The following PGBD5 variants were observed in gnomAD, a reference collection of about 807,000 sequenced individuals.
PGBD5 encodes the protein piggyBac transposable element derived 5, also known as piggyBac transposable element-derived protein 5.
Under a neutral mutation model 47.9 loss-of-function variants are expected in PGBD5, and 14 were observed. The ratio of observed to expected loss-of-function variants is 0.29; its 90% CI spans 0.19 to 0.46. The LOEUF is 0.46. Among genes scored for constraint, PGBD5 ranks in the 20% least tolerant of loss-of-function variants. The pLI is 1.00. For synonymous variants in PGBD5, 316 were observed against 306.3 expected, an observed-to-expected ratio of 1.03 and a Z score of -0.33; for missense variants, 635 against 716.0, an observed-to-expected ratio of 0.89 and a Z score of 1.29.
At chr1:230,382,839 G>C (rs942967103) in intron 1 of PGBD5, among the ~76,000 whole-genome samples, 1 of 152,116 alleles carries the variant, frequency 6.6e-6, no homozygotes, top group Non-Finnish European at 1.5e-5. Context: ...ATGGGGGCAT[G>C]GGTCCTAGGA....
At chr1:230,360,747 T>C (rs187944685) in intron 1 of PGBD5, among the ~76,000 whole-genome samples, 1 of 152,208 alleles carries the variant, frequency 6.6e-6, no homozygotes, top group Non-Finnish European at 1.5e-5. Flanking sequence ...CCCTCAGGTA[T>C]TTCTTCATAG....
Position 230,323,315 on chromosome 1 carries a change from G to A in PGBD5, c.*110C>T. The A allele has an allele frequency of 1.5e-6, 2 of 1,314,998 alleles. No homozygotes were observed. Among genetic ancestry groups the A allele is most frequent in the Non-Finnish European group, 2.1e-6 (2 of 964,044 alleles). The allele number at this position is 1,314,998 out of a possible 1,614,324, so 81.5% of individuals were successfully genotyped here. A position where few individuals can be genotyped will look rare whatever the true frequency, so the allele number is the denominator to read the frequency against. ...CCAGAGGCCCTGTGCATCCCTCCCA[G>A]GCAGCAAGCCACACACCAGGCCGTG... On this transcript the variant is annotated 3_prime_UTR_variant, in exon 7 of 7. Transcript: ENST00000391860. This position sits in a 1 kb window ranked among gnomAD's most constrained non-coding sequence, Gnocchi z 4.1.
At chr1:230,406,883 T>C (rs140794717) in intron 1 of PGBD5, among the ~76,000 whole-genome samples, 2 of 152,232 alleles carry the variant, frequency 1.3e-5, no homozygotes, top group African/African-American at 4.8e-5. Context: ...TTGCCCAGGC[T>C]GGAGTGCAAT....
intron 3 of PGBD5, among the ~76,000 whole-genome samples, chr1:230,345,704 G>GT (rs1254753226): frequency 6.6e-6 from 1 of 152,228 alleles, no homozygotes; most frequent in Non-Finnish European, 1.5e-5. Flanking sequence ...ATGCTGGGTG[G>GT]TGGCAGTGAG....
intron 1 of PGBD5, among the ~76,000 whole-genome samples, chr1:230,378,348 C>G (rs1426072101): frequency 6.6e-6 from 1 of 152,214 alleles, no homozygotes; most frequent in East Asian, 1.9e-4. Flanking sequence ...ATGCTGAGTA[C>G]AAAGATAAAA....
At chr1:230,392,820 C>G (rs1656822661) in intron 1 of PGBD5, among the ~76,000 whole-genome samples, 1 of 152,104 alleles carries the variant, frequency 6.6e-6, no homozygotes, top group Admixed American at 6.5e-5. Flanking sequence ...TAGAAAAGTT[C>G]AGCCCAGCAG....
chr1:230,316,177 C>A lies in PGBD5; in HGVS notation c.*7248G>T, dbSNP rs1178443448. Reference sequence around the variant, plus strand: ...ATATATGTATGTGTATACATACATACGTACACATGTGCATGTGTATACATA... The same window carrying A: ...ATATATGTATGTGTATACATACATAAGTACACATGTGCATGTGTATACATA... On this transcript the variant is annotated 3_prime_UTR_variant, in exon 7 of 7. Transcript: ENST00000391860. 2.9e-5 allele frequency: 2 copies of A among 70,110 alleles called. No individual in the cohort carries two copies. The highest frequency in any genetic ancestry group is 4.6e-5 in the African/African-American group (1 of 21,712). The allele number at this position is 70,110 out of a possible 1,614,324, so 4.3% of individuals were successfully genotyped here.
intron 1 of PGBD5, among the ~76,000 whole-genome samples, chr1:230,366,950 T>C (rs746089290): frequency 1.6e-4 from 24 of 152,022 alleles, no homozygotes; most frequent in Non-Finnish European, 3.1e-4. Context: ...AGCCTCTGCT[T>C]GGGTACCAAA....
intron 1 of PGBD5, among the ~76,000 whole-genome samples, chr1:230,392,518 T>C (rs1195616925): frequency 6.6e-6 from 1 of 152,200 alleles, no homozygotes; most frequent in Non-Finnish European, 1.5e-5. Context: ...CTTTGTTATT[T>C]TATCTCCGGC....
intron 1 of PGBD5, among the ~76,000 whole-genome samples, chr1:230,414,065 G>C (rs986886264): frequency 4.6e-5 from 7 of 152,172 alleles, no homozygotes; most frequent in Non-Finnish European, 7.3e-5. Flanking sequence ...AGGTGCATGT[G>C]ACTTAGGTTA....
intron 1 of PGBD5, among the ~76,000 whole-genome samples, chr1:230,375,696 C>A (rs1282132375): frequency 1.5e-5 from 2 of 134,800 alleles, no homozygotes; most frequent in Non-Finnish European, 3.1e-5. Context: ...GGAATAACCT[C>A]ACAAGGAAAG....
intron 1 of PGBD5, among the ~76,000 whole-genome samples, chr1:230,387,909 G>A (rs1656685865): frequency 6.6e-6 from 1 of 152,164 alleles, no homozygotes. Context: ...AATTGGAGGG[G>A]AAGTTACGTG....
chr1:230,409,839 TA>T lies in PGBD5; in HGVS notation c.331+15758del, dbSNP rs376552556. ...AGTGAAGAACTTCCATATTATCAAGTAAAAAAAAAAGGATAAACAACTTGAT... is the reference window on the plus strand; with the variant it reads ...AGTGAAGAACTTCCATATTATCAAGTAAAAAAAAAGGATAAACAACTTGAT... On this transcript the variant is annotated intron_variant, in intron 1 of 6. Transcript: ENST00000391860. 9.2e-3 allele frequency among the ~76,000 whole-genome samples: 1,295 copies of T among 140,102 alleles called. 16 individuals carry two copies. Among genetic ancestry groups the T allele is most frequent in the African/African-American group, 0.03 (1,166 of 38,308 alleles). The allele number at this position is 140,102 out of a possible 152,430, so 91.9% of individuals were successfully genotyped here.
chr1:230,323,135 G>A lies in PGBD5; in HGVS notation c.*290C>T, dbSNP rs1235197315. On this transcript the variant is annotated 3_prime_UTR_variant, in exon 7 of 7. Coordinates refer to ENST00000391860, the MANE Select transcript of PGBD5 (RefSeq NM_001258311.2). The surrounding 1 kb of genome is among the most constrained non-coding windows in gnomAD (Gnocchi z 4.1). Reference sequence around the variant, plus strand: ...CACAGTCACCAGTCCACGCTGCCTCGCAAGCTCCACGGATGTCATGAGAGA... The same window carrying A: ...CACAGTCACCAGTCCACGCTGCCTCACAAGCTCCACGGATGTCATGAGAGA... 2 of 384,946 alleles carry A rather than the reference G, an allele frequency of 5.2e-6. No homozygotes were observed. The highest frequency in any genetic ancestry group is 7.0e-4 in the Middle Eastern group (1 of 1,426). 23.8% of individuals were successfully genotyped at this position (384,946 alleles called of 1,614,324 possible).
intron 1 of PGBD5, among the ~76,000 whole-genome samples, chr1:230,375,656 T>G (rs1439198966): frequency 1.3e-5 from 1 of 77,914 alleles, no homozygotes; most frequent in Non-Finnish European, 3.8e-5. Context: ...ATTTGACTTT[T>G]TTTTTTTTTT....
chr1:230,315,628 A>T lies in PGBD5; in HGVS notation c.*7797T>A, dbSNP rs1355857094. 2 of 151,636 alleles carry T rather than the reference A, an allele frequency of 1.3e-5. No homozygotes were observed. The highest frequency in any genetic ancestry group is 4.9e-5 in the African/African-American group (2 of 41,224). The allele number at this position is 151,636 out of a possible 1,614,324, so 9.4% of individuals were successfully genotyped here. On this transcript the variant is annotated 3_prime_UTR_variant, in exon 7 of 7. Coordinates refer to ENST00000391860, the MANE Select transcript of PGBD5 (RefSeq NM_001258311.2). Reference sequence around the variant, plus strand: ...TGGACATGTGGTTTGATTGCTAAGGACCTAGCAGAGGCTCATCATGTGGTA... The same window carrying T: ...TGGACATGTGGTTTGATTGCTAAGGTCCTAGCAGAGGCTCATCATGTGGTA...
At chr1:230,348,183 T>C (rs77491833) in intron 3 of PGBD5, among the ~76,000 whole-genome samples, 3,524 of 152,332 alleles carry the variant, frequency 0.023, 64 homozygotes, top group Non-Finnish European at 0.036. Context: ...AAATGTCCTG[T>C]GTACAGAACC....
chr1:230,397,315 C>T (rs1213123950), intron 1 of PGBD5, among the ~76,000 whole-genome samples: 2 of 152,184 alleles, frequency 1.3e-5, no homozygotes, highest in African/African-American at 2.4e-5. Flanking sequence ...AATTGTCTCC[C>T]TAATTATGGA....
chr1:230,386,587 T>C (rs949570056), intron 1 of PGBD5, among the ~76,000 whole-genome samples: 2 of 152,234 alleles, frequency 1.3e-5, no homozygotes, highest in Non-Finnish European at 2.9e-5. Context: ...GACAGTTTGA[T>C]AGAAATAAAT....
Sources: gnomAD v4.1 joint callset for allele counts (sites outside exome capture counted in the v4.1 genomes callset) on GRCh38, gnomAD v4.1.1 for gene constraint, Gnocchi (gnomAD v3.1) non-coding constraint, MANE v1.5 for transcripts, NCBI Gene and HGNC (gene_info 2026-07-23, HGNC 2026-07-21) for gene names.